LINGO2: variants seen among roughly 807,000 people sequenced by gnomAD.
LINGO2 encodes leucine-rich repeat and immunoglobulin-like domain-containing nogo receptor-interacting protein 2.
A neutral mutation model predicts 30.6 loss-of-function variants in LINGO2; 14 were observed. The observed-to-expected ratio is 0.46, with a 90% CI of 0.30 to 0.72. The LOEUF (loss-of-function observed/expected upper bound fraction) is 0.72. LINGO2 is among the 30% of genes least tolerant of loss of function. The pLI is 0.07. For missense variants in LINGO2, 729 were observed against 751.7 expected (o/e 0.97, Z 0.35); for synonymous variants, 317 against 288.5 (o/e 1.10, Z -1.00).
chr9:28,520,077 G>C (rs1435929259), intron 1 of LINGO2, among the ~76,000 whole-genome samples: 1 of 152,128 alleles, frequency 6.6e-6, no homozygotes, highest in East Asian at 1.9e-4. Context: ...GAGTTTGTCT[G>C]TAAAATCATT....
At chr9:28,697,394 G>A in the LINGO2 span, among the ~76,000 whole-genome samples, 1 of 151,786 alleles carries the variant, frequency 6.6e-6, no homozygotes, top group Non-Finnish European at 1.5e-5. Flanking sequence ...TCACTTTACA[G>A]AATAAAAACC....
At position 28,329,873 on chromosome 9, in the gene LINGO2, CTTTA is replaced by C. The variant is rs761356620; in HGVS notation, c.-245-34511_-245-34508del. ...CTCACCTGTGTATAGCTCTATGAAA[CTTTA>C]TTTGTCTATTTGTGTATTTAGCTCT... On this transcript the variant is annotated intron_variant, in intron 3 of 5. Transcript: ENST00000379992. The surrounding 1 kb of genome is among the most constrained non-coding windows in gnomAD (Gnocchi z 4.5). Among the ~76,000 whole-genome samples the C allele has an allele frequency of 6.6e-5, 10 of 152,096 alleles. No homozygotes were observed. The highest frequency in any genetic ancestry group is 1.2e-4 in the African/African-American group (5 of 41,406).
At chr9:28,029,526 G>A (rs1823556706) in intron 4 of LINGO2, among the ~76,000 whole-genome samples, 1 of 152,124 alleles carries the variant, frequency 6.6e-6, no homozygotes. Flanking sequence ...TTACCACTCT[G>A]AGTACCAGCA....
the LINGO2 span, among the ~76,000 whole-genome samples, chr9:28,788,062 C>T: frequency 4.0e-5 from 6 of 151,840 alleles, no homozygotes; most frequent in Non-Finnish European, 5.9e-5. Context: ...GTCATCTGGG[C>T]AATTGAACAG....
At chr9:28,512,668 G>GGT (rs1820457981) in intron 1 of LINGO2, among the ~76,000 whole-genome samples, 1 of 32,622 alleles carries the variant, frequency 3.1e-5, no homozygotes, top group Non-Finnish European at 7.4e-5. Flanking sequence ...CACACATATG[G>GGT]ATATCTATCT....
intron 4 of LINGO2, among the ~76,000 whole-genome samples, chr9:28,172,016 C>CAAT (rs1828602275): frequency 2.3e-5 from 1 of 44,036 alleles, no homozygotes; most frequent in African/African-American, 9.4e-5. Context: ...GACTCCGTCT[C>CAAT]AAAAAAAAAA....
rs571703230 is a variant in LINGO2, at chr9:28,242,134, G to A, written c.-87+53074C>T. On this transcript the variant is annotated intron_variant, in intron 4 of 5. Transcript: ENST00000379992. Reference sequence around the variant, plus strand: ...GGATGGAGGATGAGATGGACAAATTGACAAAAGTAGGCTTCAGAAGGTGGG... The same window carrying A: ...GGATGGAGGATGAGATGGACAAATTAACAAAAGTAGGCTTCAGAAGGTGGG... Among the ~76,000 whole-genome samples, 6 of 152,264 alleles carry A rather than the reference G, an allele frequency of 3.9e-5. 1 individual carries two copies. Among genetic ancestry groups the A allele is most frequent in the Admixed American group, 3.3e-4 (5 of 15,286 alleles).
At chr9:29,080,567 T>C in the LINGO2 span, among the ~76,000 whole-genome samples, 7 of 152,200 alleles carry the variant, frequency 4.6e-5, no homozygotes, top group African/African-American at 2.4e-5. Flanking sequence ...TCCTGCTTTC[T>C]CTTGTGGGCA....
chr9:28,118,482 C>T (rs1394124942), intron 4 of LINGO2, among the ~76,000 whole-genome samples: 1 of 152,054 alleles, frequency 6.6e-6, no homozygotes, highest in Non-Finnish European at 1.5e-5. Context: ...TCTAACAGTG[C>T]AATAACTTAT....
intron 4 of LINGO2, among the ~76,000 whole-genome samples, chr9:28,060,676 T>G (rs1825115167): frequency 6.6e-6 from 1 of 152,120 alleles, no homozygotes; most frequent in South Asian, 2.1e-4. Flanking sequence ...ATGGTAAACT[T>G]TCTTAAATGT....
chr9:29,195,315 A>G, the LINGO2 span, among the ~76,000 whole-genome samples: 4 of 151,752 alleles, frequency 2.6e-5, no homozygotes, highest in Non-Finnish European at 5.9e-5. Context: ...TTTTGTTATC[A>G]TAAAGAAATC....
chr9:29,158,645 C>G, the LINGO2 span, among the ~76,000 whole-genome samples: 8 of 152,152 alleles, frequency 5.3e-5, no homozygotes, highest in Non-Finnish European at 7.3e-5. Context: ...GTGGGTTATA[C>G]TACAACTCTC....
At chr9:28,282,937 A>T (rs1823379924) in intron 4 of LINGO2, among the ~76,000 whole-genome samples, 1 of 152,200 alleles carries the variant, frequency 6.6e-6, no homozygotes, top group African/African-American at 2.4e-5. Context: ...TATTCAAGAA[A>T]GGAGTAAGCC....
the LINGO2 span, among the ~76,000 whole-genome samples, chr9:28,880,548 G>T: frequency 1.3e-5 from 2 of 151,908 alleles, no homozygotes; most frequent in Non-Finnish European, 2.9e-5. Context: ...CCTTGAAAGC[G>T]GGGTATTGTC....
chr9:28,868,118 T>C, the LINGO2 span, among the ~76,000 whole-genome samples: 1 of 152,100 alleles, frequency 6.6e-6, no homozygotes, highest in Non-Finnish European at 1.5e-5. Context: ...CTTGGAAGAA[T>C]GTTGTTAACC....
Position 28,352,638 on chromosome 9 carries a change from T to C in LINGO2, c.-246+20198A>G, listed in dbSNP as rs1409728239. 1.8e-4 allele frequency among the ~76,000 whole-genome samples: 23 copies of C among 131,358 alleles called. No homozygotes were observed. In the South Asian group the frequency reaches 2.8e-3, roughly 16 times the overall value. The allele number at this position is 131,358 out of a possible 152,430, so 86.2% of individuals were successfully genotyped here. On this transcript the variant is annotated intron_variant, in intron 3 of 5. Coordinates refer to ENST00000379992, the Ensembl canonical transcript of LINGO2. ...GCTACCAATGACTTTCTTCACAGAA[T>C]TGGAAAAAACTACTTTAAAGTTCAT... is the stretch of plus-strand genomic sequence containing the variant.
the LINGO2 span, among the ~76,000 whole-genome samples, chr9:28,816,470 G>T: frequency 6.6e-6 from 1 of 151,990 alleles, no homozygotes; most frequent in East Asian, 1.9e-4. Flanking sequence ...TGCAATTTAG[G>T]CAAATTGTAG....
intron 2 of LINGO2, among the ~76,000 whole-genome samples, chr9:28,416,152 T>C (rs1019217150): frequency 6.6e-6 from 1 of 152,150 alleles, no homozygotes; most frequent in Non-Finnish European, 1.5e-5. Flanking sequence ...GGAGTAGCTA[T>C]AGCAGATATG....
At chr9:28,848,621 T>G in the LINGO2 span, among the ~76,000 whole-genome samples, 1 of 151,010 alleles carries the variant, frequency 6.6e-6, no homozygotes, top group Non-Finnish European at 1.5e-5. Context: ...AATCCTAGGT[T>G]ATATCAAGTC....
Sources: gnomAD v4.1 joint callset for allele counts (sites outside exome capture counted in the v4.1 genomes callset) on GRCh38, gnomAD v4.1.1 for gene constraint, Gnocchi (gnomAD v3.1) non-coding constraint, MANE v1.5 for transcripts, NCBI Gene and HGNC (gene_info 2026-07-23, HGNC 2026-07-21) for gene names.